Variants in PRKN observed in about 807,000 individuals in gnomAD.
The protein encoded by PRKN is E3 ubiquitin-protein ligase parkin.
Under a neutral mutation model 59.5 loss-of-function variants are expected in PRKN, and 56 were observed. The observed-to-expected ratio is 0.94, with a 90% CI of 0.76 to 1.18. The LOEUF is 1.18. Among genes scored for constraint, PRKN ranks in the 50% most tolerant of loss-of-function variants. The pLI, the probability that PRKN is intolerant of heterozygous loss-of-function variation, is 0.00. For synonymous variants in PRKN, 250 were observed against 222.1 expected (o/e 1.13, Z -1.12); for missense variants, 657 against 596.4 (o/e 1.10, Z -1.06).
At chr6:162,203,226 G>C (rs552701113) in intron 3 of PRKN, among the ~76,000 whole-genome samples, 1 of 152,102 alleles carries the variant, frequency 6.6e-6, no homozygotes, top group Non-Finnish European at 1.5e-5. Context: ...TTCCACCTCC[G>C]AATGCTACTA....
chr6:161,680,779 T>TG lies in PRKN; in HGVS notation c.871+104992_871+104993insC, dbSNP rs1562604162. 4.1e-3 allele frequency among the ~76,000 whole-genome samples: 351 copies of TG among 84,878 alleles called. 11 individuals carry two copies. Among genetic ancestry groups the TG allele is most frequent in the Non-Finnish European group, 6.1e-3 (263 of 43,062 alleles). 55.7% of individuals were successfully genotyped at this position (84,878 alleles called of 152,430 possible). On this transcript the variant is annotated intron_variant, in intron 7 of 11. Coordinates refer to ENST00000366898, the MANE Select transcript of PRKN (RefSeq NM_004562.3). Reference sequence around the variant, plus strand: ...TATATATATATATATATATATATTTTTTTTTTTTTTTCTTTTCCTAAAACA... The same window carrying TG: ...TATATATATATATATATATATATTTTGTTTTTTTTTTTCTTTTCCTAAAACA...
At chr6:162,632,310 G>A (rs1267435586) in intron 1 of PRKN, among the ~76,000 whole-genome samples, 1 of 152,162 alleles carries the variant, frequency 6.6e-6, no homozygotes, top group African/African-American at 2.4e-5. Flanking sequence ...TATACACCAT[G>A]GAATACTACA....
chr6:162,257,412 T>A (rs1463195856), intron 3 of PRKN, among the ~76,000 whole-genome samples: 1 of 152,052 alleles, frequency 6.6e-6, no homozygotes, highest in African/African-American at 2.4e-5. Flanking sequence ...TTCAAAAAGG[T>A]CCATTTTAAG....
intron 9 of PRKN, among the ~76,000 whole-genome samples, chr6:161,415,127 A>G (rs942644915): frequency 1.3e-5 from 2 of 152,174 alleles, no homozygotes; most frequent in African/African-American, 4.8e-5. Context: ...GGCTAACTCA[A>G]CAGAATACAG....
chr6:162,027,858 G>T (rs1783494185), intron 5 of PRKN, among the ~76,000 whole-genome samples: 1 of 151,748 alleles, frequency 6.6e-6, no homozygotes, highest in Non-Finnish European at 1.5e-5. Context: ...AGAAGGGGCA[G>T]AAAAGGAGAG....
At chr6:162,269,637 T>G (rs1311223678) in intron 2 of PRKN, 2 of 152,214 alleles carry the variant, frequency 1.3e-5, no homozygotes, top group South Asian at 2.1e-4. Context: ...GTCTGTAAAG[T>G]AGGTAGGGCT....
rs542372543 is a variant in PRKN at position 161,570,558 on chromosome 6, G to A, written c.872-1142C>T. On this transcript the variant is annotated intron_variant, in intron 7 of 11. Transcript: ENST00000366898. ...AGAGAATGAAGATGAAAACCTTTAT[G>A]ATGATCTGCTTTCACTTAATGGATA... 6.6e-5 allele frequency among the ~76,000 whole-genome samples: 10 copies of A among 151,752 alleles called. No homozygotes were observed. In the South Asian group the frequency reaches 2.1e-3, roughly 32 times the overall value.
At chr6:162,020,658 A>C (rs777055869) in intron 5 of PRKN, among the ~76,000 whole-genome samples, 6 of 152,224 alleles carry the variant, frequency 3.9e-5, no homozygotes, top group Non-Finnish European at 8.8e-5. Context: ...TTAAATGTTG[A>C]AATTGGGGAG....
Position 161,349,792 on chromosome 6 carries a change from T to C in PRKN, c.*307A>G. ...ACTTGAATCTGTGCTCTGGTATTTG[T>C]GTCATCCGGAGGCTGAGAACGCCTG... On this transcript the variant is annotated 3_prime_UTR_variant, in exon 12 of 12. Transcript: ENST00000366898. The surrounding 1 kb of genome is among the most constrained non-coding windows in gnomAD (Gnocchi z 5.5). The C allele has an allele frequency of 2.0e-6, 1 of 494,614 alleles. No homozygotes were observed. Among genetic ancestry groups the C allele is most frequent in the Non-Finnish European group, 3.7e-6 (1 of 268,140 alleles). The allele number at this position is 494,614 out of a possible 1,614,324, so 30.6% of individuals were successfully genotyped here.
Position 161,360,191 on chromosome 6 carries a change from A to G in PRKN, c.1182T>C (p.Asp394=), listed in dbSNP as rs762599162. 4.3e-6 allele frequency: 7 copies of G among 1,612,656 alleles called. No homozygotes were observed. Among genetic ancestry groups the G allele is most frequent in the African/African-American group, 4.0e-5 (3 of 74,900 alleles). Residue 394 remains aspartate (D), a synonymous_variant, in exon 11 of 12, where the codon GAT becomes GAC. Coordinates refer to ENST00000366898, the MANE Select transcript of PRKN (RefSeq NM_004562.3). This position sits in a 1 kb window ranked among gnomAD's most constrained non-coding sequence, Gnocchi z 5.1. Reference sequence around the variant, plus strand: ...AACGAGCCTGCTCGGCGGCTCTTTCATCGACTCTGTAGGCCTGGGGAAACA... The same window carrying G: ...AACGAGCCTGCTCGGCGGCTCTTTCGTCGACTCTGTAGGCCTGGGGAAACA... ...SGTTTQAYRV[D]ERAAEQARWE...
intron 2 of PRKN, among the ~76,000 whole-genome samples, chr6:162,360,079 ATGTG>A (rs1159641003): frequency 1.3e-5 from 2 of 150,786 alleles, no homozygotes; most frequent in Non-Finnish European, 3.0e-5. Context: ...ATATATACAT[ATGTG>A]TGTGTGTGTG....
chr6:162,465,372 A>G (rs1791367769), intron 1 of PRKN, among the ~76,000 whole-genome samples: 1 of 152,204 alleles, frequency 6.6e-6, no homozygotes, highest in African/African-American at 2.4e-5. Flanking sequence ...TTTCAGCTTT[A>G]CCAAATTTTC....
At chr6:161,734,338 C>T (rs34604493) in intron 7 of PRKN, among the ~76,000 whole-genome samples, 38,975 of 152,148 alleles carry the variant, frequency 0.26, 11,394 homozygotes, top group African/African-American at 0.72. Context: ...AGGCTGACAT[C>T]TTCCCTAGCT....
In PRKN at chr6:161,373,664, C is replaced by A. The variant is rs967363394; in HGVS notation, c.1167+13130G>T. ...GTGATGAGTTAAATGGGCTACACCT[C>A]TGTGCTTGCGGGGTGCTGAGTTTAA... On this transcript the variant is annotated intron_variant, in intron 10 of 11. Coordinates refer to ENST00000366898, the MANE Select transcript of PRKN (RefSeq NM_004562.3). This position sits in a 1 kb window ranked among gnomAD's most constrained non-coding sequence, Gnocchi z 4.8. Among the ~76,000 whole-genome samples the A allele has an allele frequency of 1.5e-4, 23 of 151,868 alleles. No individual in the cohort carries two copies. The highest frequency in any genetic ancestry group is 5.6e-4 in the African/African-American group (23 of 41,326).
intron 6 of PRKN, among the ~76,000 whole-genome samples, chr6:161,918,871 G>C (rs1429254398): frequency 6.6e-6 from 1 of 152,164 alleles, no homozygotes; most frequent in Non-Finnish European, 1.5e-5. Flanking sequence ...ACAAAATCTA[G>C]TGTCGGTGAG....
chr6:162,609,593 C>G (rs1270881630), intron 1 of PRKN, among the ~76,000 whole-genome samples: 1 of 152,124 alleles, frequency 6.6e-6, no homozygotes, highest in Non-Finnish European at 1.5e-5. Flanking sequence ...TAGGTAATCT[C>G]TCATTATTGT....
At chr6:162,630,074 T>C (rs10455913) in intron 1 of PRKN, among the ~76,000 whole-genome samples, 29,524 of 152,046 alleles carry the variant, frequency 0.19, 3,517 homozygotes, top group East Asian at 0.47. Context: ...CACAAGTAGG[T>C]GCTAAAGGTG....
Position 161,575,069 on chromosome 6 carries a change from G to C in PRKN, c.872-5653C>G, listed in dbSNP as rs984622615. ...GCTCTTCTGTCGTGTTTTTCCTCTA[G>C]TTATTAAACCCATCACTCAACTGTT... On this transcript the variant is annotated intron_variant, in intron 7 of 11. Coordinates refer to ENST00000366898, the MANE Select transcript of PRKN (RefSeq NM_004562.3). This position sits in a 1 kb window ranked among gnomAD's most constrained non-coding sequence, Gnocchi z 4.6. Among the ~76,000 whole-genome samples, 11 of 152,206 alleles carry C rather than the reference G, an allele frequency of 7.2e-5. No individual in the cohort carries two copies. Among genetic ancestry groups the C allele is most frequent in the Middle Eastern group, 3.4e-3 (1 of 294 alleles).
rs1554243459 is a variant in PRKN, at chr6:162,556,370, T to TGTGTGC, written c.8-112898_8-112897insGCACAC. 1.6e-3 allele frequency among the ~76,000 whole-genome samples: 155 copies of TGTGTGC among 99,354 alleles called. 1 individual carries two copies. Among genetic ancestry groups the TGTGTGC allele is most frequent in the Middle Eastern group, 5.3e-3 (1 of 190 alleles). 65.2% of individuals were successfully genotyped at this position (99,354 alleles called of 152,430 possible). On this transcript the variant is annotated intron_variant, in intron 1 of 11. Coordinates refer to ENST00000366898, the MANE Select transcript of PRKN (RefSeq NM_004562.3). ...GTGTGTGTGTGTGTGTGTGTGTGTG[T>TGTGTGC]GTGTGTGTGTGTGTGTGTGTGTGTG...
Sources: gnomAD v4.1 joint callset for allele counts (sites outside exome capture counted in the v4.1 genomes callset) on GRCh38, gnomAD v4.1.1 for gene constraint, Gnocchi (gnomAD v3.1) non-coding constraint, MANE v1.5 for transcripts, NCBI Gene and HGNC (gene_info 2026-07-23, HGNC 2026-07-21) for gene names.